The following NKAIN2 variants were observed in gnomAD, a reference collection of about 807,000 sequenced individuals.
NKAIN2 encodes sodium/potassium-transporting ATPase subunit beta-1-interacting protein 2.
In NKAIN2, 14 loss-of-function variants were observed where a neutral mutation model predicts 32.6. The observed-to-expected ratio is 0.43, with a 90% CI of 0.28 to 0.67. The LOEUF (loss-of-function observed/expected upper bound fraction) is 0.67, where lower values mean the gene tolerates loss of function less well. NKAIN2 is among the 30% of genes least tolerant of loss of function. NKAIN2 has a pLI of 0.17. For missense variants in NKAIN2, 198 were observed against 258.3 expected (o/e 0.77, Z 1.60); for synonymous variants, 80 against 87.2 (o/e 0.92, Z 0.46).
intron 1 of NKAIN2, among the ~76,000 whole-genome samples, chr6:124,040,313 C>T (rs1421260740): frequency 1.3e-5 from 2 of 151,762 alleles, no homozygotes; most frequent in East Asian, 3.9e-4. Flanking sequence ...TGTCTTTCTT[C>T]TGTTTTCCTG....
intron 1 of NKAIN2, among the ~76,000 whole-genome samples, chr6:124,139,060 A>G (rs987860965): frequency 6.9e-6 from 1 of 145,126 alleles, no homozygotes; most frequent in African/African-American, 2.5e-5. Flanking sequence ...CTGTTCCCCA[A>G]AAACTTTTTT....
rs1214264008 is a variant in NKAIN2, at chr6:123,911,810, TATACAC to T, written c.54+107558_54+107563del. 6.7e-3 allele frequency among the ~76,000 whole-genome samples: 636 copies of T among 94,292 alleles called. 47 individuals carry two copies. The highest frequency in any genetic ancestry group is 0.029 in the African/African-American group (518 of 17,748). The allele number at this position is 94,292 out of a possible 152,430, so 61.9% of individuals were successfully genotyped here. A position where few individuals can be genotyped will look rare whatever the true frequency, so the allele number is the denominator to read the frequency against. Reference sequence around the variant, plus strand: ...ATATATATATATATATGTATATATATATACACACACACACACACACACACACACACA... The same window carrying T: ...ATATATATATATATATGTATATATATACACACACACACACACACACACACA... On this transcript the variant is annotated intron_variant, in intron 1 of 6. Transcript: ENST00000368417.
intron 1 of NKAIN2, among the ~76,000 whole-genome samples, chr6:123,919,566 A>G (rs1312714022): frequency 6.6e-6 from 1 of 152,162 alleles, no homozygotes; most frequent in Non-Finnish European, 1.5e-5. Context: ...GGCAAGGTTC[A>G]TGTGTGAATA....
intron 3 of NKAIN2, among the ~76,000 whole-genome samples, chr6:124,631,996 G>GTTACT (rs1336464818): frequency 6.6e-6 from 1 of 152,004 alleles, no homozygotes; most frequent in Non-Finnish European, 1.5e-5. Context: ...AAAATAGGTG[G>GTTACT]TTACTTTATT....
At chr6:124,498,082 T>TA (rs1198932394) in intron 3 of NKAIN2, among the ~76,000 whole-genome samples, 1 of 152,146 alleles carries the variant, frequency 6.6e-6, no homozygotes, top group Non-Finnish European at 1.5e-5. Context: ...GGGTGAGTAA[T>TA]ACACCTTCTC....
intron 3 of NKAIN2, among the ~76,000 whole-genome samples, chr6:124,357,417 G>T (rs1252435990): frequency 6.6e-6 from 1 of 152,036 alleles, no homozygotes; most frequent in African/African-American, 2.4e-5. Flanking sequence ...GGAAGCAATG[G>T]TAATTGGTAA....
At chr6:124,454,801 C>A (rs193279801) in intron 3 of NKAIN2, among the ~76,000 whole-genome samples, 2 of 151,982 alleles carry the variant, frequency 1.3e-5, no homozygotes, top group African/African-American at 2.4e-5. Flanking sequence ...CATTTTATTA[C>A]CATTTAGCTT....
chr6:124,812,042 A>G (rs777415924), intron 5 of NKAIN2, among the ~76,000 whole-genome samples: 2 of 152,108 alleles, frequency 1.3e-5, no homozygotes, highest in Admixed American at 6.6e-5. Flanking sequence ...TACAATTATC[A>G]AGATTGGTAA....
intron 1 of NKAIN2, among the ~76,000 whole-genome samples, chr6:124,093,303 A>G (rs980139064): frequency 6.6e-6 from 1 of 152,106 alleles, no homozygotes; most frequent in African/African-American, 2.4e-5. Flanking sequence ...TGCTGCCAAG[A>G]TAATTGGGGT....
At chr6:124,294,119 G>A (rs1795943843) in intron 2 of NKAIN2, among the ~76,000 whole-genome samples, 1 of 152,042 alleles carries the variant, frequency 6.6e-6, no homozygotes, top group South Asian at 2.1e-4. Context: ...TGATAGGGTG[G>A]CTGTGTCTGG....
At chr6:124,351,346 A>T (rs1798717108) in intron 2 of NKAIN2, among the ~76,000 whole-genome samples, 1 of 151,906 alleles carries the variant, frequency 6.6e-6, no homozygotes, top group Non-Finnish European at 1.5e-5. Flanking sequence ...TCTACAAAAA[A>T]TACAACAAAT....
chr6:123,881,946 C>A (rs114581997), intron 1 of NKAIN2, among the ~76,000 whole-genome samples: 2,032 of 151,880 alleles, frequency 0.013, 47 homozygotes, highest in African/African-American at 0.046. Context: ...TTCAATATAC[C>A]GTATTACTAA....
At chr6:124,148,165 T>C (rs1787514546) in intron 1 of NKAIN2, among the ~76,000 whole-genome samples, 1 of 152,170 alleles carries the variant, frequency 6.6e-6, no homozygotes, top group African/African-American at 2.4e-5. Flanking sequence ...AGACATATTT[T>C]TCTTGTTCAA....
At chr6:124,059,534 A>C (rs1223937049) in intron 1 of NKAIN2, among the ~76,000 whole-genome samples, 1 of 152,112 alleles carries the variant, frequency 6.6e-6, no homozygotes, top group Non-Finnish European at 1.5e-5. Flanking sequence ...CGTAGAACCT[A>C]AGCTCCACAA....
At chr6:123,822,875 T>C (rs1196043370) in intron 1 of NKAIN2, among the ~76,000 whole-genome samples, 1 of 152,178 alleles carries the variant, frequency 6.6e-6, no homozygotes, top group African/African-American at 2.4e-5. Flanking sequence ...TTTAAAATGC[T>C]CAGAATGGTC....
intron 1 of NKAIN2, among the ~76,000 whole-genome samples, chr6:124,105,314 G>A (rs76071388): frequency 0.011 from 1,710 of 152,240 alleles, 39 homozygotes; most frequent in African/African-American, 0.04. Context: ...AGATCTGCAC[G>A]TCAGTGGGTT....
intron 1 of NKAIN2, among the ~76,000 whole-genome samples, chr6:124,225,605 AAG>A (rs1445578318): frequency 2.6e-5 from 4 of 152,070 alleles, no homozygotes; most frequent in Non-Finnish European, 4.4e-5. Context: ...CACCGTTATC[AAG>A]AGTCATAATA....
chr6:124,387,650 G>T (rs543394759), intron 3 of NKAIN2, among the ~76,000 whole-genome samples: 1 of 151,920 alleles, frequency 6.6e-6, no homozygotes, highest in Admixed American at 6.6e-5. Context: ...CAAATCCAGC[G>T]TGCTACCAGC....
At chr6:123,999,031 A>G (rs897797460) in intron 1 of NKAIN2, among the ~76,000 whole-genome samples, 7 of 152,078 alleles carry the variant, frequency 4.6e-5, no homozygotes, top group African/African-American at 1.7e-4. Context: ...AGCATAGGCT[A>G]CTAAAGTAAA....
Sources: allele counts gnomAD v4.1 joint callset (sites outside exome capture counted in the v4.1 genomes callset), GRCh38; gene constraint gnomAD v4.1.1; transcripts MANE v1.5; gene names NCBI Gene and HGNC (gene_info 2026-07-23, HGNC 2026-07-21).